TMED8: variants seen among roughly 807,000 people sequenced by gnomAD.
TMED8 encodes the protein protein TMED8.
Under a neutral mutation model 32.7 loss-of-function variants are expected in TMED8, and 15 were observed. That is an observed-to-expected ratio of 0.46 (90% CI 0.31 to 0.71). The LOEUF is 0.71. Ranked by LOEUF, TMED8 falls within the 30% of genes least tolerant of loss-of-function variation. The pLI is 0.06. For missense variants in TMED8, 390 were observed against 423.9 expected (o/e 0.92, Z 0.70); for synonymous variants, 147 against 161.4 (o/e 0.91, Z 0.68).
chr14:77,353,905 CAA>C (rs775099982), intron 1 of TMED8, among the ~76,000 whole-genome samples: 3 of 152,200 alleles, frequency 2.0e-5, no homozygotes, highest in Non-Finnish European at 4.4e-5. Context: ...AGGGAAAATG[CAA>C]AGAGAAAGTT....
chr14:77,373,847 CAGTT>C (rs923997572), intron 1 of TMED8, among the ~76,000 whole-genome samples: 6 of 152,158 alleles, frequency 3.9e-5, no homozygotes, highest in East Asian at 1.9e-4. Flanking sequence ...AGTTCTCACT[CAGTT>C]AGTTCACCTG....
chr14:77,366,698 T>G (rs1357560208), intron 1 of TMED8, among the ~76,000 whole-genome samples: 1 of 152,248 alleles, frequency 6.6e-6, no homozygotes, highest in Non-Finnish European at 1.5e-5. Flanking sequence ...AGTGGTCACT[T>G]ACTATATGTC....
chr14:77,372,797 A>G (rs932464247), intron 1 of TMED8, among the ~76,000 whole-genome samples: 5 of 150,622 alleles, frequency 3.3e-5, no homozygotes, highest in African/African-American at 1.2e-4. Context: ...ATAGAAAACT[A>G]AAAAACATCA....
intron 1 of TMED8, among the ~76,000 whole-genome samples, chr14:77,358,755 G>GAT (rs149212859): frequency 0.011 from 1,696 of 152,142 alleles, 26 homozygotes; most frequent in African/African-American, 0.039. Flanking sequence ...TATAACTAAG[G>GAT]ATATGGATAT....
chr14:77,350,178 T>C (rs532668401), intron 2 of TMED8, among the ~76,000 whole-genome samples: 2 of 152,260 alleles, frequency 1.3e-5, no homozygotes, highest in African/African-American at 2.4e-5. Context: ...CCCAGTTGCA[T>C]ATGGGGGGTC....
chr14:77,353,330 G>A (rs1474031848), intron 1 of TMED8, among the ~76,000 whole-genome samples: 1 of 152,038 alleles, frequency 6.6e-6, no homozygotes, highest in Non-Finnish European at 1.5e-5. Flanking sequence ...AAGTTTCAGA[G>A]TTTGGTAGCA....
At chr14:77,364,257 G>C (rs1030115017) in intron 1 of TMED8, among the ~76,000 whole-genome samples, 2 of 151,928 alleles carry the variant, frequency 1.3e-5, no homozygotes, top group African/African-American at 2.4e-5. Context: ...CTGGAGTGTA[G>C]TGTTGTGATC....
rs61060657 is a variant in TMED8 at position 77,368,624 on chromosome 14, C to T, written c.118+8312G>A. Among the ~76,000 whole-genome samples, 121 of 152,166 alleles carry T rather than the reference C, an allele frequency of 8.0e-4. 1 individual carries two copies. The East Asian group carries it at 0.022, about 28-fold the overall frequency. On this transcript the variant is annotated intron_variant, in intron 1 of 5. Coordinates refer to ENST00000216468, the MANE Select transcript of TMED8 (RefSeq NM_213601.3). ...TCCCTAGTAGCTGGGACTACAGGCA[C>T]GTGCCACCACACCCAGCTAATTTTT...
At chr14:77,346,236 AAG>A in intron 3 of TMED8, 111 bp downstream of exon 3, 1 of 1,128,720 alleles carries the variant, frequency 8.9e-7, no homozygotes, top group Non-Finnish European at 1.2e-6. Flanking sequence ...TTAGAGGGCA[AAG>A]AGAGAATTCC....
At chr14:77,361,151 T>A (rs553037833) in intron 1 of TMED8, among the ~76,000 whole-genome samples, 34 of 152,148 alleles carry the variant, frequency 2.2e-4, no homozygotes, top group African/African-American at 8.0e-4. Context: ...AGCTAATTTT[T>A]TTGTATTTTC....
In TMED8 at chr14:77,360,917, T is replaced by C. The variant is rs537114353; in HGVS notation, c.119-9166A>G. On this transcript the variant is annotated intron_variant, in intron 1 of 5. Coordinates refer to ENST00000216468, the MANE Select transcript of TMED8 (RefSeq NM_213601.3). ...TACTGATGTTGAACATCTTTTCATG[T>C]ACCTGTTGGCCATTTTTACGTCTTC... Among the ~76,000 whole-genome samples, 7 of 152,190 alleles carry C rather than the reference T, an allele frequency of 4.6e-5. No homozygotes were observed. The South Asian group carries it at 1.0e-3, about 23-fold the overall frequency.
At chr14:77,372,576 T>C (rs990488851) in intron 1 of TMED8, among the ~76,000 whole-genome samples, 1 of 152,172 alleles carries the variant, frequency 6.6e-6, no homozygotes, top group Non-Finnish European at 1.5e-5. Flanking sequence ...CTAGTGACCA[T>C]GTGATCCAAT....
Position 77,377,073 on chromosome 14 carries a change from C to A in TMED8, c.-20G>T, listed in dbSNP as rs150571067. 6.5e-4 allele frequency: 860 copies of A among 1,331,766 alleles called. 17 individuals carry two copies. The East Asian group carries it at 0.024, about 37-fold the overall frequency. The allele number at this position is 1,331,766 out of a possible 1,614,324, so 82.5% of individuals were successfully genotyped here. On this transcript the variant is annotated 5_prime_UTR_variant, in exon 1 of 6. Transcript: ENST00000216468. ...AGACATCTGCAGCCCGCGCACGGAG[C>A]TCTCCGCTGCCAGCCGCGAGTGGCT...
chr14:77,342,469 T>C (rs1397891652), intron 5 of TMED8, among the ~76,000 whole-genome samples: 2 of 152,106 alleles, frequency 1.3e-5, no homozygotes, highest in Non-Finnish European at 2.9e-5. Context: ...TACAAGGTTC[T>C]CCGCTTTCCC....
chr14:77,352,832 G>A (rs1350277172), intron 1 of TMED8, among the ~76,000 whole-genome samples: 1 of 152,210 alleles, frequency 6.6e-6, no homozygotes, highest in East Asian at 1.9e-4. Context: ...TGGGATGTAA[G>A]ATAAACTGAA....
At position 77,341,927 on chromosome 14, in the gene TMED8, C is replaced by T; in HGVS notation, c.822G>A (p.Gly274=). 2 of 1,614,002 alleles carry T rather than the reference C, an allele frequency of 1.2e-6. No homozygotes were observed. Among genetic ancestry groups the T allele is most frequent in the Non-Finnish European group, 1.7e-6 (2 of 1,180,014 alleles). ...GSRSSLRGRY[G]EVMPVYRRDS... ...CCCGCCGGTACACAGGCATGACCTC[C>T]CCATAGCGACCCCGCAAGGAGCTCC... Residue 274 remains glycine (G), a synonymous_variant, in exon 6 of 6, where the codon GGG becomes GGA. Coordinates refer to ENST00000216468, the MANE Select transcript of TMED8 (RefSeq NM_213601.3).
chr14:77,350,351 T>C (rs1398158679), intron 2 of TMED8, among the ~76,000 whole-genome samples: 1 of 152,244 alleles, frequency 6.6e-6, no homozygotes, highest in Non-Finnish European at 1.5e-5. Context: ...TGATGGACTA[T>C]TTTGTTCATT....
intron 1 of TMED8, chr14:77,359,331 C>T (rs1379544075): frequency 1.6e-5 from 3 of 189,492 alleles, no homozygotes; most frequent in Non-Finnish European, 2.2e-5. Flanking sequence ...CAGGACCCTT[C>T]CAGGCCTCGC....
intron 2 of TMED8, among the ~76,000 whole-genome samples, chr14:77,347,698 C>G (rs1893082697): frequency 6.6e-6 from 1 of 152,226 alleles, no homozygotes. Flanking sequence ...AGCCACCGTG[C>G]TCAGCCATGA....
Sources: gnomAD v4.1 joint callset for allele counts (sites outside exome capture counted in the v4.1 genomes callset) on GRCh38, gnomAD v4.1.1 for gene constraint, MANE v1.5 for transcripts, NCBI Gene and HGNC (gene_info 2026-07-23, HGNC 2026-07-21) for gene names.